TENM2: variants seen among roughly 807,000 people sequenced by gnomAD.
The protein encoded by TENM2 is teneurin transmembrane protein 2.
TENM2 carries 52 observed loss-of-function variants against 245.2 expected under a neutral mutation model. The ratio of observed to expected loss-of-function variants is 0.21; its 90% CI spans 0.17 to 0.27. TENM2 has a LOEUF of 0.27. Among genes scored for constraint, TENM2 ranks in the 10% least tolerant of loss-of-function variants. The probability of loss-of-function intolerance (pLI) is 1.00; values close to 1 mark genes in which losing one functional copy is unlikely to be tolerated. For missense variants in TENM2, 3,046 were observed against 3,666.8 expected, an observed-to-expected ratio of 0.83 and a Z score of 4.37; for synonymous variants, 1,363 against 1,438.9, an observed-to-expected ratio of 0.95 and a Z score of 1.19.
intron 2 of TENM2, among the ~76,000 whole-genome samples, chr5:167,673,103 C>T (rs750218248): frequency 1.3e-5 from 2 of 151,970 alleles, no homozygotes; most frequent in African/African-American, 2.4e-5. Flanking sequence ...TGGCTGATAG[C>T]AGTGCTACCA....
rs1233059636 is a variant in TENM2 at position 167,901,720 on chromosome 5, A to C, written c.712+25525A>C. On this transcript the variant is annotated intron_variant, in intron 3 of 28. Coordinates refer to ENST00000518659, the Ensembl canonical transcript of TENM2. Reference sequence around the variant, plus strand: ...TTTAAATATTATGCTAGAGCACCGTATTAATGTTCTTCCATCATGCTGGCA... The same window carrying C: ...TTTAAATATTATGCTAGAGCACCGTCTTAATGTTCTTCCATCATGCTGGCA... 2.0e-5 allele frequency among the ~76,000 whole-genome samples: 3 copies of C among 152,234 alleles called. No homozygotes were observed. In the East Asian group the frequency reaches 5.8e-4, roughly 29 times the overall value.
At chr5:167,648,101 G>C (rs933072377) in intron 2 of TENM2, among the ~76,000 whole-genome samples, 2 of 152,142 alleles carry the variant, frequency 1.3e-5, no homozygotes, top group Non-Finnish European at 2.9e-5. Context: ...AGCATGGTGA[G>C]CCGAACTAAT....
chr5:167,228,097 C>T, the TENM2 span, among the ~76,000 whole-genome samples: 43 of 152,118 alleles, frequency 2.8e-4, 1 homozygote, highest in South Asian at 3.1e-3. Flanking sequence ...GGCATTATTT[C>T]GGCTAACTGC....
At chr5:168,192,391 C>T (rs1476106669) in intron 14 of TENM2, among the ~76,000 whole-genome samples, 1 of 152,126 alleles carries the variant, frequency 6.6e-6, no homozygotes. Flanking sequence ...CTCACCAGAT[C>T]GCCAAAACTT....
At chr5:168,015,530 T>G (rs1367520419) in intron 5 of TENM2, among the ~76,000 whole-genome samples, 1 of 152,224 alleles carries the variant, frequency 6.6e-6, no homozygotes, top group African/African-American at 2.4e-5. Flanking sequence ...AGAGAAAGAA[T>G]GCCGCAAAGA....
At chr5:167,023,553 T>C in the TENM2 span, among the ~76,000 whole-genome samples, 1 of 152,204 alleles carries the variant, frequency 6.6e-6, no homozygotes, top group East Asian at 1.9e-4. Flanking sequence ...AAAATGCATC[T>C]AATAAAAATG....
chr5:167,646,666 G>A (rs1779986574), intron 2 of TENM2, among the ~76,000 whole-genome samples: 1 of 152,074 alleles, frequency 6.6e-6, no homozygotes, highest in South Asian at 2.1e-4. Context: ...CAGACTGGCT[G>A]TGATAGCAAC....
intron 12 of TENM2, among the ~76,000 whole-genome samples, chr5:168,131,659 C>G (rs1181551732): frequency 1.3e-5 from 2 of 152,210 alleles, no homozygotes; most frequent in Admixed American, 6.5e-5. Context: ...AAGTGATTGT[C>G]AGAATTAACC....
the TENM2 span, among the ~76,000 whole-genome samples, chr5:167,041,574 AG>A: frequency 6.6e-6 from 1 of 152,254 alleles, no homozygotes; most frequent in East Asian, 1.9e-4. Flanking sequence ...TGAACAATTT[AG>A]CTTTAATAAA....
chr5:167,355,868 A>AT (rs11406123), intron 1 of TENM2, among the ~76,000 whole-genome samples: 75,332 of 140,320 alleles, frequency 0.54, 20,447 homozygotes, highest in East Asian at 0.8. Flanking sequence ...ATGACCCTTA[A>AT]TTTTTTTTTT....
At chr5:167,562,811 G>A (rs1171194148) in intron 2 of TENM2, among the ~76,000 whole-genome samples, 1 of 152,040 alleles carries the variant, frequency 6.6e-6, no homozygotes, top group Non-Finnish European at 1.5e-5. Context: ...ACAAAATTTA[G>A]CCAGGCGTGT....
At chr5:167,743,159 C>A (rs1286370518) in intron 2 of TENM2, among the ~76,000 whole-genome samples, 1 of 152,186 alleles carries the variant, frequency 6.6e-6, no homozygotes, top group African/African-American at 2.4e-5. Context: ...TACTGGAGAG[C>A]AGCTGAGGCT....
At chr5:167,516,807 A>G (rs1178728840) in intron 2 of TENM2, among the ~76,000 whole-genome samples, 2 of 152,206 alleles carry the variant, frequency 1.3e-5, no homozygotes, top group Non-Finnish European at 2.9e-5. Flanking sequence ...TCTGTCCTAC[A>G]CATCATCTGA....
rs757704639 is a variant in TENM2 at position 168,044,762 on chromosome 5, A to G, written c.1187-2665A>G. Among the ~76,000 whole-genome samples, 21 of 152,168 alleles carry G rather than the reference A, an allele frequency of 1.4e-4. 1 individual carries two copies. Among genetic ancestry groups the G allele is most frequent in the Non-Finnish European group, 7.4e-5 (5 of 68,024 alleles). On this transcript the variant is annotated intron_variant, in intron 5 of 28. Transcript: ENST00000518659. ...AGAGACTGATTTCTCAGCCCAAGCC[A>G]TAGAGCAAATCAGTAGCAGAATAAG...
At chr5:167,914,733 T>G (rs772409035) in intron 3 of TENM2, among the ~76,000 whole-genome samples, 45 of 152,246 alleles carry the variant, frequency 3.0e-4, no homozygotes, top group Non-Finnish European at 5.9e-4. Flanking sequence ...GATCTTTCCT[T>G]GTCTCTCCCT....
At chr5:167,857,827 G>C (rs1346291228) in intron 2 of TENM2, among the ~76,000 whole-genome samples, 1 of 152,026 alleles carries the variant, frequency 6.6e-6, no homozygotes, top group African/African-American at 2.4e-5. Flanking sequence ...TGAATTTTGG[G>C]TTTTCTGCTC....
At chr5:168,101,505 A>T (rs1443515141) in intron 9 of TENM2, among the ~76,000 whole-genome samples, 4 of 151,842 alleles carry the variant, frequency 2.6e-5, no homozygotes, top group Admixed American at 2.6e-4. Flanking sequence ...GTGTCCATTT[A>T]GCTGCTTAAA....
intron 20 of TENM2, among the ~76,000 whole-genome samples, chr5:168,213,835 A>G (rs1469336809): frequency 6.6e-6 from 1 of 152,158 alleles, no homozygotes; most frequent in Non-Finnish European, 1.5e-5. Context: ...AAAATAAAAT[A>G]AAATAGCAGG....
At chr5:167,648,700 A>C (rs1180123341) in intron 2 of TENM2, among the ~76,000 whole-genome samples, 1 of 152,168 alleles carries the variant, frequency 6.6e-6, no homozygotes. Context: ...GAAGAGGTGC[A>C]GGGGGACCCT....
Sources: allele counts gnomAD v4.1 joint callset (sites outside exome capture counted in the v4.1 genomes callset), GRCh38; gene constraint gnomAD v4.1.1; transcripts MANE v1.5; gene names NCBI Gene and HGNC (gene_info 2026-07-23, HGNC 2026-07-21).